Variants in TMEM192 observed in about 807,000 individuals in gnomAD.
TMEM192 encodes the protein transmembrane protein 192.
Under a neutral mutation model 26.7 loss-of-function variants are expected in TMEM192, and 20 were observed. The ratio of observed to expected loss-of-function variants is 0.75; its 90% CI spans 0.53 to 1.09. The LOEUF is 1.09. TMEM192 is among the 50% of genes least tolerant of loss of function. TMEM192 has a pLI of 0.00. For missense variants in TMEM192, 304 were observed against 322.6 expected (o/e 0.94, Z 0.44); for synonymous variants, 124 against 121.0 (o/e 1.02, Z -0.16).
At chr4:165,109,294 G>A (rs964232877) in intron 1 of TMEM192, among the ~76,000 whole-genome samples, 3 of 152,186 alleles carry the variant, frequency 2.0e-5, no homozygotes, top group East Asian at 3.8e-4. Context: ...TTCAATATGC[G>A]TGTTGAGAGA....
At chr4:165,097,426 G>A (rs1223117625) in intron 3 of TMEM192, among the ~76,000 whole-genome samples, 3 of 148,132 alleles carry the variant, frequency 2.0e-5, no homozygotes, top group Admixed American at 6.8e-5. Flanking sequence ...CCCGGGAGGC[G>A]GAGCTTGCAG....
intron 3 of TMEM192, among the ~76,000 whole-genome samples, chr4:165,092,929 A>T (rs962470801): frequency 1.3e-5 from 2 of 151,762 alleles, no homozygotes; most frequent in Non-Finnish European, 1.5e-5. Context: ...AAATAAAAAA[A>T]GTTTTGACAA....
Position 165,089,040 on chromosome 4 carries a change from CAAAAAAA to C in TMEM192, c.440-445_440-439del, listed in dbSNP as rs56000323. ...TGGGCAACAGAGCAAGACCCTACTG[CAAAAAAA>C]AAAAAAAAAAAAAAAAAAAGGAAAA... On this transcript the variant is annotated intron_variant, in intron 3 of 5. Coordinates refer to ENST00000306480, the MANE Select transcript of TMEM192 (RefSeq NM_001100389.2). Among the ~76,000 whole-genome samples the C allele has an allele frequency of 4.0e-4, 19 of 47,312 alleles. No individual in the cohort carries two copies. In the South Asian group the frequency reaches 0.02, roughly 51 times the overall value. 31.0% of individuals were successfully genotyped at this position (47,312 alleles called of 152,430 possible).
At chr4:165,086,942 T>C (rs1027549401) in intron 4 of TMEM192, among the ~76,000 whole-genome samples, 38 of 152,132 alleles carry the variant, frequency 2.5e-4, no homozygotes, top group African/African-American at 8.9e-4. Flanking sequence ...GATGAGATGC[T>C]GTCTTTACTA....
In TMEM192 at chr4:165,073,923, A is replaced by G. The variant is rs1024652309; in HGVS notation, c.*5735T>C. 2.6e-5 allele frequency: 4 copies of G among 152,096 alleles called. No homozygotes were observed. Among genetic ancestry groups the G allele is most frequent in the Non-Finnish European group, 5.9e-5 (4 of 68,074 alleles). 9.4% of individuals were successfully genotyped at this position (152,096 alleles called of 1,614,324 possible). ...GCCCCGCTACACTCCCCTCGTCAAG[A>G]TATTAAAAATAATGATCAATAAATA... On this transcript the variant is annotated 3_prime_UTR_variant, in exon 6 of 6. Coordinates refer to ENST00000306480, the MANE Select transcript of TMEM192 (RefSeq NM_001100389.2).
intron 1 of TMEM192, among the ~76,000 whole-genome samples, chr4:165,108,941 A>T (rs1002101908): frequency 6.6e-6 from 1 of 152,246 alleles, no homozygotes; most frequent in African/African-American, 2.4e-5. Flanking sequence ...TCAAGGCAGT[A>T]AGCCGGAGCA....
chr4:165,091,679 G>GA (rs1307091863), intron 3 of TMEM192, among the ~76,000 whole-genome samples: 1 of 149,382 alleles, frequency 6.7e-6, no homozygotes, highest in Non-Finnish European at 1.5e-5. Context: ...GGGGAAAATG[G>GA]AAAAAAAATC....
At chr4:165,107,532 T>C (rs1334383161) in intron 1 of TMEM192, among the ~76,000 whole-genome samples, 1 of 151,282 alleles carries the variant, frequency 6.6e-6, no homozygotes, top group African/African-American at 2.4e-5. Context: ...TTAGTAAAGG[T>C]GAGATTTCAC....
chr4:165,076,511 A>G lies in TMEM192; in HGVS notation c.*3147T>C, dbSNP rs1734385710. On this transcript the variant is annotated 3_prime_UTR_variant, in exon 6 of 6. Coordinates refer to ENST00000306480, the MANE Select transcript of TMEM192 (RefSeq NM_001100389.2). Reference sequence around the variant, plus strand: ...GTTCCAGCTATACACAGTGCTTGTGATATTTTGTAGCTATTTGCCTTCCTA... The same window carrying G: ...GTTCCAGCTATACACAGTGCTTGTGGTATTTTGTAGCTATTTGCCTTCCTA... The G allele has an allele frequency of 6.6e-6, 1 of 152,222 alleles. No homozygotes were observed. The highest frequency in any genetic ancestry group is 1.5e-5 in the Non-Finnish European group (1 of 68,072). 9.4% of individuals were successfully genotyped at this position (152,222 alleles called of 1,614,324 possible).
chr4:165,080,358 G>A lies in TMEM192; in HGVS notation c.678-562C>T, dbSNP rs575254139. Among the ~76,000 whole-genome samples, 23 of 151,932 alleles carry A rather than the reference G, an allele frequency of 1.5e-4. No homozygotes were observed. In the South Asian group the frequency reaches 3.1e-3, roughly 21 times the overall value. ...CTACACTACTGCCCCAACCCACTTCGGTCTCACTGCTCAGAAGTAATAGCT... is the reference window on the plus strand; with the variant it reads ...CTACACTACTGCCCCAACCCACTTCAGTCTCACTGCTCAGAAGTAATAGCT... On this transcript the variant is annotated intron_variant, in intron 5 of 5. Transcript: ENST00000306480.
intron 3 of TMEM192, among the ~76,000 whole-genome samples, chr4:165,098,594 G>A (rs1041891699): frequency 6.6e-6 from 1 of 151,962 alleles, no homozygotes; most frequent in African/African-American, 2.4e-5. Flanking sequence ...TTATAGGCAT[G>A]AGCCACCATG....
At chr4:165,088,405 T>A in intron 4 of TMEM192, 63 bp downstream of exon 4, 1 of 1,545,348 alleles carries the variant, frequency 6.5e-7, no homozygotes, top group Non-Finnish European at 8.8e-7. Context: ...GGCTATACTT[T>A]AAACTGGGAG....
chr4:165,110,082 A>G (rs899383088), intron 1 of TMEM192, among the ~76,000 whole-genome samples: 1 of 152,216 alleles, frequency 6.6e-6, no homozygotes, highest in Non-Finnish European at 1.5e-5. Flanking sequence ...TGAATCCTAT[A>G]GGAAATATGC....
chr4:165,111,233 ACAGGCCCC>A (rs1228525013), intron 1 of TMEM192, among the ~76,000 whole-genome samples: 1 of 152,056 alleles, frequency 6.6e-6, no homozygotes, highest in Non-Finnish European at 1.5e-5. Context: ...ATCTGGGATT[ACAGGCCCC>A]CACCACCCCA....
chr4:165,111,343 C>G (rs1735288895), intron 1 of TMEM192, among the ~76,000 whole-genome samples: 1 of 152,152 alleles, frequency 6.6e-6, no homozygotes, highest in Admixed American at 6.5e-5. Context: ...ATCTGCCTGC[C>G]TCGGCCTCCC....
At chr4:165,087,525 T>C (rs1734648938) in intron 4 of TMEM192, among the ~76,000 whole-genome samples, 1 of 152,218 alleles carries the variant, frequency 6.6e-6, no homozygotes, top group South Asian at 2.1e-4. Flanking sequence ...TATTGTTAAC[T>C]GAGCTAGAAG....
chr4:165,085,468 TAAAC>T lies in TMEM192; in HGVS notation c.677+114_677+117del, dbSNP rs1734589948. 19 of 704,264 alleles carry T rather than the reference TAAAC, an allele frequency of 2.7e-5. No homozygotes were observed. The South Asian group carries it at 3.1e-4, about 12-fold the overall frequency. The allele number at this position is 704,264 out of a possible 1,614,324, so 43.6% of individuals were successfully genotyped here. A position where few individuals can be genotyped will look rare whatever the true frequency, so the allele number is the denominator to read the frequency against. The stretch of plus-strand genomic sequence containing the variant: ...TGATTTCACCACAGCTGAAAGGAAA[TAAAC>T]AAATCAAACAAATGTAAAAGTACAA... On this transcript the variant is annotated intron_variant, in intron 5 of 5. Transcript: ENST00000306480.
Position 165,077,327 on chromosome 4 carries a change from A to C in TMEM192, c.*2331T>G, listed in dbSNP as rs1432126395. The stretch of plus-strand genomic sequence containing the variant: ...TAAATTTTAAAAATAAATAAGAGTT[A>C]ATCATCTACCACTGGTGTTCCCTTT... On this transcript the variant is annotated 3_prime_UTR_variant, in exon 6 of 6. Transcript: ENST00000306480. 1 of 152,244 alleles carries C rather than the reference A, an allele frequency of 6.6e-6. No homozygotes were observed. Among genetic ancestry groups the C allele is most frequent in the Non-Finnish European group, 1.5e-5 (1 of 68,044 alleles). 9.4% of individuals were successfully genotyped at this position (152,244 alleles called of 1,614,324 possible).
intron 1 of TMEM192, 125 bp downstream of exon 1, chr4:165,112,622 C>T (rs1735321695): frequency 5.0e-6 from 7 of 1,396,708 alleles, no homozygotes; most frequent in Non-Finnish European, 6.8e-6. Flanking sequence ...GCACAGGCGG[C>T]GCCCCCTTCG....
Sources: gnomAD v4.1 joint callset for allele counts (sites outside exome capture counted in the v4.1 genomes callset) on GRCh38, gnomAD v4.1.1 for gene constraint, MANE v1.5 for transcripts, NCBI Gene and HGNC (gene_info 2026-07-23, HGNC 2026-07-21) for gene names.